Variants in NFX1 observed in about 807,000 individuals in gnomAD.
NFX1 encodes nuclear transcription factor, X-box binding 1.
A neutral mutation model predicts 137.2 loss-of-function variants in NFX1; 69 were observed. The ratio of observed to expected loss-of-function variants is 0.50; its 90% CI spans 0.41 to 0.61. The LOEUF (loss-of-function observed/expected upper bound fraction) is 0.61, where lower values mean the gene tolerates loss of function less well. Among genes scored for constraint, NFX1 ranks in the 20% least tolerant of loss-of-function variants. The probability of loss-of-function intolerance (pLI) is 0.00; values close to 1 mark genes in which losing one functional copy is unlikely to be tolerated. For missense variants in NFX1, 1,167 were observed against 1,391.0 expected (o/e 0.84, Z 2.56); for synonymous variants, 495 against 474.1 (o/e 1.04, Z -0.57).
Position 33,294,994 on chromosome 9 carries a change from G to C in NFX1, c.600G>C (p.Pro200=). 1 of 1,614,146 alleles carries C rather than the reference G, an allele frequency of 6.2e-7. No individual in the cohort carries two copies. Among genetic ancestry groups the C allele is most frequent in the Non-Finnish European group, 8.5e-7 (1 of 1,180,016 alleles). ...CEWSNRTTPK[P]EDAGPESTKP... is the part of the protein sequence containing the mutation. ...GGAGTAACCGAACAACTCCAAAACC[G>C]GAGGATGCTGGACCCGAAAGTACCA... Residue 200 remains proline, a synonymous_variant, in exon 2 of 24, where the codon CCG becomes CCC. Transcript: ENST00000379540.
chr9:33,344,271 T>TA (rs1332566153), intron 14 of NFX1, 83 bp downstream of exon 14: 62 of 1,569,804 alleles, frequency 3.9e-5, no homozygotes, highest in Non-Finnish European at 5.3e-5. Context: ...TTCACTGCTC[T>TA]AGAGTCATGC....
In NFX1 at chr9:33,321,870, C is replaced by A. The variant is rs183250189; in HGVS notation, c.1906+2743C>A. On this transcript the variant is annotated intron_variant, in intron 9 of 23. Transcript: ENST00000379540. ...CTCCAGCTAGGCTGACAGAGTGAGACCCTGTCTCAAAAAAAAAAAAAAAAA... is the reference window on the plus strand; with the variant it reads ...CTCCAGCTAGGCTGACAGAGTGAGAACCTGTCTCAAAAAAAAAAAAAAAAA... 1.9e-4 allele frequency among the ~76,000 whole-genome samples: 28 copies of A among 149,832 alleles called. No individual in the cohort carries two copies. The East Asian group carries it at 5.1e-3, about 27-fold the overall frequency.
chr9:33,361,645 C>T (rs1042477583), intron 19 of NFX1, among the ~76,000 whole-genome samples: 4 of 151,866 alleles, frequency 2.6e-5, no homozygotes, highest in South Asian at 2.1e-4. Flanking sequence ...TGGTTGCGGG[C>T]GCCTGTAATC....
At chr9:33,329,681 C>G (rs1315606420) in intron 10 of NFX1, among the ~76,000 whole-genome samples, 1 of 150,228 alleles carries the variant, frequency 6.7e-6, no homozygotes, top group Non-Finnish European at 1.5e-5. Flanking sequence ...TATTTTGAGA[C>G]AGAGTCTCAC....
chr9:33,304,077 G>A (rs1564105376), intron 4 of NFX1, among the ~76,000 whole-genome samples: 2 of 152,166 alleles, frequency 1.3e-5, no homozygotes, highest in Non-Finnish European at 2.9e-5. Context: ...CACCAGCCTG[G>A]CCAACATGGT....
intron 23 of NFX1, among the ~76,000 whole-genome samples, chr9:33,369,526 A>T (rs1824266769): frequency 6.6e-6 from 1 of 152,206 alleles, no homozygotes; most frequent in African/African-American, 2.4e-5. Context: ...CACTATCAAA[A>T]CTTCACAAGT....
In NFX1 at chr9:33,371,039, G is replaced by C. The variant is rs1009950086; in HGVS notation, c.*1061G>C. On this transcript the variant is annotated 3_prime_UTR_variant, in exon 24 of 24. Transcript: ENST00000379540. Reference sequence around the variant, plus strand: ...TGGCACCCCTCCAGCCTGGAGGCCAGGCTTCCAGCAACTTCCTTCTGCCCT... The same window carrying C: ...TGGCACCCCTCCAGCCTGGAGGCCACGCTTCCAGCAACTTCCTTCTGCCCT... 5 of 152,230 alleles carry C rather than the reference G, an allele frequency of 3.3e-5. No homozygotes were observed. Among genetic ancestry groups the C allele is most frequent in the African/African-American group, 1.2e-4 (5 of 41,454 alleles). 9.4% of individuals were successfully genotyped at this position (152,230 alleles called of 1,614,324 possible). A position where few individuals can be genotyped will look rare whatever the true frequency, so the allele number is the denominator to read the frequency against.
At chr9:33,323,024 A>G (rs1822443518) in intron 9 of NFX1, among the ~76,000 whole-genome samples, 1 of 152,218 alleles carries the variant, frequency 6.6e-6, no homozygotes, top group Non-Finnish European at 1.5e-5. Flanking sequence ...GAACATTGTC[A>G]AAAACAATAG....
chr9:33,327,080 C>T (rs1822620983), intron 9 of NFX1, among the ~76,000 whole-genome samples: 4 of 151,886 alleles, frequency 2.6e-5, no homozygotes. Flanking sequence ...ATTAGAATAA[C>T]AAAAAAGACA....
chr9:33,301,272 T>C lies in NFX1; in HGVS notation c.1043T>C (p.Ile348Thr). The change falls in exon 3 of 24, where the codon ATT (isoleucine) becomes ACT (threonine). Residue 348 changes from isoleucine to threonine, a missense_variant. Ile to Thr is a moderately conservative substitution (Grantham distance 89). Transcript: ENST00000379540. ...KNVETHTGSL[I>T]EQLTTEKYEC... Reference sequence around the variant, plus strand: ...TTTGTTTTTTAAACAGGTTCTCTAATTGAACAACTAACAACAGAAAAATAC... The same window carrying C: ...TTTGTTTTTTAAACAGGTTCTCTAACTGAACAACTAACAACAGAAAAATAC... 1 of 1,611,896 alleles carries C rather than the reference T, an allele frequency of 6.2e-7. No individual in the cohort carries two copies. The highest frequency in any genetic ancestry group is 1.3e-5 in the African/African-American group (1 of 74,966).
rs61589629 is a variant in NFX1, at chr9:33,358,647, A to ATTTTTTT, written c.2873+3782_2873+3788dup. ...GCAAAAAAATTCTGTGAATGGCTTGATTTTTTTTTTTTTTTTTTTTTTTTT... is the reference window on the plus strand; with the variant it reads ...GCAAAAAAATTCTGTGAATGGCTTGATTTTTTTTTTTTTTTTTTTTTTTTTTTTTTTT... On this transcript the variant is annotated intron_variant, in intron 19 of 23. Transcript: ENST00000379540. Among the ~76,000 whole-genome samples, 58 of 48,476 alleles carry ATTTTTTT rather than the reference A, an allele frequency of 1.2e-3. 3 individuals carry two copies. The highest frequency in any genetic ancestry group is 1.8e-3 in the African/African-American group (21 of 11,596). 31.8% of individuals were successfully genotyped at this position (48,476 alleles called of 152,430 possible).
chr9:33,318,379 A>G (rs1177763559), intron 7 of NFX1, among the ~76,000 whole-genome samples: 1 of 152,228 alleles, frequency 6.6e-6, no homozygotes, highest in East Asian at 1.9e-4. Context: ...CCTCACAGTG[A>G]ATGGTGTTCA....
At chr9:33,348,928 G>A (rs745829305) in intron 15 of NFX1, among the ~76,000 whole-genome samples, 2 of 151,120 alleles carry the variant, frequency 1.3e-5, no homozygotes, top group South Asian at 2.1e-4. Context: ...GCATCATGAC[G>A]TATTGGCCAA....
At chr9:33,311,392 A>C (rs1216473459) in intron 6 of NFX1, among the ~76,000 whole-genome samples, 1 of 152,230 alleles carries the variant, frequency 6.6e-6, no homozygotes, top group Non-Finnish European at 1.5e-5. Context: ...CCAAGTGGGC[A>C]ACTTGAGAGA....
intron 13 of NFX1, 27 bp from the exon 14 acceptor site, chr9:33,344,042 C>A (rs1448919894): frequency 6.2e-7 from 1 of 1,613,236 alleles, no homozygotes; most frequent in Non-Finnish European, 8.5e-7. Context: ...AGAAAGGATT[C>A]TTTTGTTTTA....
At chr9:33,359,166 T>C (rs1242189192) in intron 19 of NFX1, among the ~76,000 whole-genome samples, 2 of 152,238 alleles carry the variant, frequency 1.3e-5, no homozygotes, top group East Asian at 3.8e-4. Context: ...TTATTTATTG[T>C]CAATTCCTGT....
intron 5 of NFX1, among the ~76,000 whole-genome samples, chr9:33,308,610 A>T (rs559494430): frequency 2.0e-5 from 3 of 152,312 alleles, no homozygotes; most frequent in Non-Finnish European, 1.5e-5. Flanking sequence ...TAGTTATGTA[A>T]CCTTGGACAA....
chr9:33,360,611 C>T (rs1018638628), intron 19 of NFX1, among the ~76,000 whole-genome samples: 2 of 152,008 alleles, frequency 1.3e-5, no homozygotes, highest in Non-Finnish European at 2.9e-5. Context: ...AAAGTTATAT[C>T]TATATATACA....
intron 15 of NFX1, chr9:33,347,619 G>T (rs1004190984): frequency 9.1e-6 from 3 of 330,922 alleles, no homozygotes; most frequent in Non-Finnish European, 1.8e-5. Context: ...GAAAACTGTG[G>T]AGATTCCTTA....
Sources: gnomAD v4.1 joint callset for allele counts (sites outside exome capture counted in the v4.1 genomes callset) on GRCh38, gnomAD v4.1.1 for gene constraint, MANE v1.5 for transcripts, NCBI Gene and HGNC (gene_info 2026-07-23, HGNC 2026-07-21) for gene names.